The following LPCAT2 variants were observed in gnomAD, a reference collection of about 807,000 sequenced individuals.
The protein encoded by LPCAT2 is lysophosphatidylcholine acyltransferase 2.
In LPCAT2, 58 loss-of-function variants were observed where a neutral mutation model predicts 64.7. That is an observed-to-expected ratio of 0.90 (90% CI 0.73 to 1.12). The LOEUF (loss-of-function observed/expected upper bound fraction) is 1.12, where lower values mean the gene tolerates loss of function less well. Among genes scored for constraint, LPCAT2 ranks in the 50% most tolerant of loss-of-function variants. The pLI is 0.00. For missense variants in LPCAT2, 579 were observed against 669.8 expected (o/e 0.86, Z 1.50); for synonymous variants, 252 against 245.3 (o/e 1.03, Z -0.26).
Position 55,540,374 on chromosome 16 carries a change from T to C in LPCAT2, c.852+2742T>C, listed in dbSNP as rs189958433. The stretch of plus-strand genomic sequence containing the variant: ...TAATGGGTGTTCTTAAAGTATCTTT[T>C]AGTCATACTTTTATTAACCAGCTGT... On this transcript the variant is annotated intron_variant, in intron 8 of 13. Coordinates refer to ENST00000262134, the MANE Select transcript of LPCAT2 (RefSeq NM_017839.5). 5.8e-4 allele frequency: 88 copies of C among 152,288 alleles called. 1 individual carries two copies. Among genetic ancestry groups the C allele is most frequent in the African/African-American group, 2.0e-3 (85 of 41,570 alleles). The allele number at this position is 152,288 out of a possible 1,614,324, so 9.4% of individuals were successfully genotyped here. A position where few individuals can be genotyped will look rare whatever the true frequency, so the allele number is the denominator to read the frequency against.
intron 1 of LPCAT2, among the ~76,000 whole-genome samples, chr16:55,522,562 C>T (rs1187254512): frequency 6.6e-6 from 1 of 151,622 alleles, no homozygotes; most frequent in Non-Finnish European, 1.5e-5. Flanking sequence ...GGCAGACACA[C>T]ACTACTTGAT....
intron 11 of LPCAT2, among the ~76,000 whole-genome samples, chr16:55,567,988 A>G (rs1963726229): frequency 6.6e-6 from 1 of 152,178 alleles, no homozygotes; most frequent in Non-Finnish European, 1.5e-5. Flanking sequence ...TGGTTTTCCC[A>G]TTATGTAAAA....
intron 1 of LPCAT2, among the ~76,000 whole-genome samples, chr16:55,519,239 A>G (rs1988531): frequency 0.52 from 78,847 of 151,462 alleles, 20,707 homozygotes; most frequent in Non-Finnish European, 0.55. Context: ...GGTGGCTCAC[A>G]CCTGTAGTCC....
At chr16:55,550,374 A>G (rs1055192292) in intron 10 of LPCAT2, among the ~76,000 whole-genome samples, 16 of 152,242 alleles carry the variant, frequency 1.1e-4, no homozygotes, top group Non-Finnish European at 2.1e-4. Context: ...TCCCCCTATC[A>G]TAACATTTTG....
At chr16:55,528,283 G>A in intron 2 of LPCAT2, 94 bp from the exon 3 acceptor site, 3 of 854,652 alleles carry the variant, frequency 3.5e-6, no homozygotes, top group Non-Finnish European at 5.5e-6. Context: ...GAAATACTCT[G>A]ACATGTTTTG....
At chr16:55,521,970 A>T (rs1055894256) in intron 1 of LPCAT2, among the ~76,000 whole-genome samples, 6 of 151,722 alleles carry the variant, frequency 4.0e-5, no homozygotes, top group Admixed American at 1.3e-4. Context: ...TCTGTTCAAC[A>T]TTACGCTAGG....
intron 10 of LPCAT2, 97 bp downstream of exon 10, chr16:55,549,499 A>G: frequency 1.7e-6 from 2 of 1,156,034 alleles, no homozygotes; most frequent in Non-Finnish European, 2.4e-6. Flanking sequence ...GCTCAGCTCT[A>G]GTTCCCATTT....
chr16:55,581,786 A>G (rs1486494801), intron 13 of LPCAT2, among the ~76,000 whole-genome samples: 1 of 152,234 alleles, frequency 6.6e-6, no homozygotes, highest in African/African-American at 2.4e-5. Context: ...AAGGATTTCA[A>G]AATAGAAGAC....
At chr16:55,531,593 A>G (rs1004548733) in intron 4 of LPCAT2, among the ~76,000 whole-genome samples, 1 of 152,208 alleles carries the variant, frequency 6.6e-6, no homozygotes, top group Non-Finnish European at 1.5e-5. Context: ...AATTTAATGT[A>G]GCCTAATGCA....
At chr16:55,515,072 C>T (rs748853108) in intron 1 of LPCAT2, among the ~76,000 whole-genome samples, 22 of 151,974 alleles carry the variant, frequency 1.4e-4, no homozygotes, top group Admixed American at 2.6e-4. Context: ...GACCTGTGGA[C>T]GCTATCAGCT....
chr16:55,511,225 T>A (rs1962927623), intron 1 of LPCAT2, among the ~76,000 whole-genome samples: 1 of 152,200 alleles, frequency 6.6e-6, no homozygotes, highest in Non-Finnish European at 1.5e-5. Context: ...ACAAAGTATA[T>A]ACTGTACTTA....
chr16:55,560,800 T>C (rs369711287), intron 11 of LPCAT2, among the ~76,000 whole-genome samples: 4 of 152,108 alleles, frequency 2.6e-5, no homozygotes, highest in Non-Finnish European at 5.9e-5. Flanking sequence ...TGTCACTATT[T>C]TTAAAAAATA....
chr16:55,574,154 A>C (rs1388023295), intron 11 of LPCAT2, among the ~76,000 whole-genome samples: 1 of 152,186 alleles, frequency 6.6e-6, no homozygotes, highest in Non-Finnish European at 1.5e-5. Context: ...GAAAGAAAAA[A>C]TGTAGCTGTG....
chr16:55,567,057 A>C (rs1475005032), intron 11 of LPCAT2: 1 of 1,613,888 alleles, frequency 6.2e-7, no homozygotes, highest in Admixed American at 1.7e-5. Context: ...CACTGATCTG[A>C]TGAATATTCT....
intron 10 of LPCAT2, among the ~76,000 whole-genome samples, chr16:55,550,318 A>G (rs1449792260): frequency 1.3e-5 from 2 of 152,162 alleles, no homozygotes; most frequent in African/African-American, 4.8e-5. Context: ...TTATCACCGT[A>G]GTTTTTCATA....
chr16:55,567,377 C>A, intron 11 of LPCAT2: 1 of 1,613,738 alleles, frequency 6.2e-7, no homozygotes, highest in Non-Finnish European at 8.5e-7. Context: ...TGGATTTTAA[C>A]AATTTCATCA....
intron 1 of LPCAT2, among the ~76,000 whole-genome samples, chr16:55,510,372 A>G (rs1184639672): frequency 1.5e-5 from 2 of 133,050 alleles, no homozygotes; most frequent in East Asian, 2.3e-4. Context: ...CACTCTTTGG[A>G]CTTCCTCTTT....
chr16:55,578,819 T>C lies in LPCAT2; in HGVS notation c.1315-290T>C, dbSNP rs112005963. ...TCTAAGACCCAACTCAAATGTCAAC[T>C]CCTATGAAGCCTTCTTGGACCTCTC... On this transcript the variant is annotated intron_variant, in intron 12 of 13. Transcript: ENST00000262134. 9.7e-3 allele frequency among the ~76,000 whole-genome samples: 1,478 copies of C among 152,302 alleles called. 29 individuals carry two copies. Among genetic ancestry groups the C allele is most frequent in the African/African-American group, 0.034 (1,396 of 41,560 alleles).
At chr16:55,565,234 T>C (rs995003244) in intron 11 of LPCAT2, among the ~76,000 whole-genome samples, 3 of 152,050 alleles carry the variant, frequency 2.0e-5, no homozygotes, top group Non-Finnish European at 2.9e-5. Context: ...TATGGAGTAA[T>C]TGGAACTCTT....
Sources: gnomAD v4.1 joint callset for allele counts (sites outside exome capture counted in the v4.1 genomes callset) on GRCh38, gnomAD v4.1.1 for gene constraint, MANE v1.5 for transcripts, NCBI Gene and HGNC (gene_info 2026-07-23, HGNC 2026-07-21) for gene names.